RFTN2: variants seen among roughly 807,000 people sequenced by gnomAD.
RFTN2 encodes the protein raftlin-2.
A neutral mutation model predicts 52.7 loss-of-function variants in RFTN2; 34 were observed. That is an observed-to-expected ratio of 0.64 (90% confidence interval 0.49 to 0.86). The LOEUF is 0.86. Among genes scored for constraint, RFTN2 ranks in the 40% least tolerant of loss-of-function variants. RFTN2 has a pLI of 0.00. For synonymous variants in RFTN2, 203 were observed against 217.7 expected (o/e 0.93, Z 0.59); for missense variants, 536 against 600.1 (o/e 0.89, Z 1.12).
intron 1 of RFTN2, among the ~76,000 whole-genome samples, chr2:197,661,407 A>G (rs1373972203): frequency 6.6e-6 from 1 of 151,650 alleles, no homozygotes; most frequent in African/African-American, 2.4e-5. Context: ...GTTTTTAAAT[A>G]TATATATACA....
At chr2:197,646,911 A>C (rs199936387) in intron 1 of RFTN2, among the ~76,000 whole-genome samples, 9 of 148,886 alleles carry the variant, frequency 6.0e-5, no homozygotes, top group African/African-American at 7.3e-5. Flanking sequence ...AAAAAAAAAA[A>C]AAAAAAAAAC....
intron 3 of RFTN2, among the ~76,000 whole-genome samples, chr2:197,634,496 T>A (rs962615437): frequency 6.6e-6 from 1 of 152,100 alleles, no homozygotes; most frequent in Non-Finnish European, 1.5e-5. Context: ...AATGTGTAGG[T>A]ATAAAGCACA....
At chr2:197,662,373 G>T (rs761286008) in intron 1 of RFTN2, among the ~76,000 whole-genome samples, 12 of 152,104 alleles carry the variant, frequency 7.9e-5, no homozygotes, top group Non-Finnish European at 1.2e-4. Flanking sequence ...ATTGAAGAGG[G>T]TGTCCTTTCC....
At chr2:197,635,085 C>T (rs1487882712) in intron 3 of RFTN2, among the ~76,000 whole-genome samples, 1 of 152,044 alleles carries the variant, frequency 6.6e-6, no homozygotes, top group East Asian at 1.9e-4. Flanking sequence ...TTTATGGCTG[C>T]ATAGTATTCC....
chr2:197,597,527 T>C (rs2087810335), intron 7 of RFTN2, among the ~76,000 whole-genome samples: 1 of 148,208 alleles, frequency 6.7e-6, no homozygotes, highest in Non-Finnish European at 1.5e-5. Flanking sequence ...TCTTTCTTTC[T>C]TTTTTTTTTG....
intron 5 of RFTN2, among the ~76,000 whole-genome samples, chr2:197,628,091 C>A (rs1216572821): frequency 4.6e-5 from 7 of 152,016 alleles, no homozygotes; most frequent in Admixed American, 4.6e-4. Flanking sequence ...AGATGTCAGG[C>A]ATCAAACATA....
chr2:197,664,732 C>A (rs532998622), intron 1 of RFTN2, among the ~76,000 whole-genome samples: 1 of 151,622 alleles, frequency 6.6e-6, no homozygotes, highest in East Asian at 1.9e-4. Flanking sequence ...TTGCAGTGAT[C>A]CATGATTGTG....
chr2:197,675,448 C>A lies in RFTN2; in HGVS notation c.11G>T (p.Gly4Val). MGC[G>V]LRKLEDPDDS... ...ATCAGGGTCTTCTAGCTTTCTAAGT[C>A]CGCACCCCATGGCAAAATCTGTAAG... The change falls in exon 1 of 9, where the codon GGA (glycine) becomes GTA (valine). Residue 4 changes from glycine (G) to valine (V), a missense_variant. Transcript: ENST00000295049. 1 of 1,580,814 alleles carries A rather than the reference C, an allele frequency of 6.3e-7. No homozygotes were observed. Among genetic ancestry groups the A allele is most frequent in the East Asian group, 2.3e-5 (1 of 43,080 alleles).
At chr2:197,633,143 C>T (rs983901834) in intron 4 of RFTN2, among the ~76,000 whole-genome samples, 1 of 152,128 alleles carries the variant, frequency 6.6e-6, no homozygotes, top group Non-Finnish European at 1.5e-5. Context: ...GAATAAAATA[C>T]TCTCAGTTTC....
At chr2:197,630,793 C>T (rs566669071) in intron 5 of RFTN2, among the ~76,000 whole-genome samples, 8 of 152,242 alleles carry the variant, frequency 5.3e-5, no homozygotes, top group African/African-American at 1.2e-4. Flanking sequence ...GAACATTTTA[C>T]GTTATATTTC....
chr2:197,583,593 C>T (rs2087545183), intron 8 of RFTN2, among the ~76,000 whole-genome samples: 1 of 151,686 alleles, frequency 6.6e-6, no homozygotes, highest in Non-Finnish European at 1.5e-5. Flanking sequence ...CCAAGCTCAG[C>T]CTCCAACTTA....
intron 7 of RFTN2, among the ~76,000 whole-genome samples, chr2:197,609,391 G>A (rs1219774028): frequency 6.6e-6 from 1 of 152,184 alleles, no homozygotes; most frequent in Non-Finnish European, 1.5e-5. Flanking sequence ...CAGTGATGAT[G>A]AGCATTTTTT....
At chr2:197,596,684 A>G (rs2087797455) in intron 7 of RFTN2, among the ~76,000 whole-genome samples, 1 of 152,224 alleles carries the variant, frequency 6.6e-6, no homozygotes, top group Non-Finnish European at 1.5e-5. Context: ...GAGTGGGATT[A>G]TTAGGTCAAA....
chr2:197,655,541 T>C (rs1231530732), intron 1 of RFTN2, among the ~76,000 whole-genome samples: 2 of 152,164 alleles, frequency 1.3e-5, no homozygotes, highest in South Asian at 2.1e-4. Flanking sequence ...GTAAAGATCA[T>C]GGGGCCAGGC....
chr2:197,585,396 C>T lies in RFTN2; in HGVS notation c.1233+10595G>A, dbSNP rs1180995144. On this transcript the variant is annotated intron_variant, in intron 8 of 8. Transcript: ENST00000295049. ...GGTTTACCCTTTTCCTTCAAACCAT[C>T]ATAACTGATATCTCCTGGTTTTACC... Among the ~76,000 whole-genome samples, 3 of 152,124 alleles carry T rather than the reference C, an allele frequency of 2.0e-5. No homozygotes were observed. In the East Asian group the frequency reaches 5.8e-4, roughly 29 times the overall value.
intron 8 of RFTN2, among the ~76,000 whole-genome samples, chr2:197,590,195 G>T (rs533942700): frequency 6.6e-6 from 1 of 152,028 alleles, no homozygotes; most frequent in Non-Finnish European, 1.5e-5. Flanking sequence ...GTGAGCCACC[G>T]CACCTGGCCC....
intron 7 of RFTN2, among the ~76,000 whole-genome samples, chr2:197,600,865 A>C (rs2087868628): frequency 6.6e-6 from 1 of 152,242 alleles, no homozygotes; most frequent in South Asian, 2.1e-4. Flanking sequence ...TTAGAAAACA[A>C]AGGCAACTTT....
rs2087281947 is a variant in RFTN2, at chr2:197,569,446, T to G, written c.*2562A>C. ...TACTCTAGAACCACTTGATCATAAA[T>G]TATTCGCTATCATACAAATTCATCA... is the stretch of plus-strand genomic sequence containing the variant. On this transcript the variant is annotated 3_prime_UTR_variant, in exon 9 of 9. Transcript: ENST00000295049. 6.6e-6 allele frequency: 1 copy of G among 152,216 alleles called. No individual in the cohort carries two copies. The highest frequency in any genetic ancestry group is 2.1e-4 in the South Asian group (1 of 4,836). 9.4% of individuals were successfully genotyped at this position (152,216 alleles called of 1,614,324 possible).
chr2:197,607,089 A>G (rs1037936158), intron 7 of RFTN2, among the ~76,000 whole-genome samples: 1 of 152,250 alleles, frequency 6.6e-6, no homozygotes, highest in Non-Finnish European at 1.5e-5. Context: ...CCAAATGTCC[A>G]ACAATGATAG....
Sources: allele counts gnomAD v4.1 joint callset (sites outside exome capture counted in the v4.1 genomes callset), GRCh38; gene constraint gnomAD v4.1.1; transcripts MANE v1.5; gene names NCBI Gene and HGNC (gene_info 2026-07-23, HGNC 2026-07-21).